The following C5orf34 variants were observed in gnomAD, a reference collection of about 807,000 sequenced individuals.
C5orf34 encodes chromosome 5 open reading frame 34.
Under a neutral mutation model 78.4 loss-of-function variants are expected in C5orf34, and 73 were observed. That is an observed-to-expected ratio of 0.93 (90% CI 0.77 to 1.13). C5orf34 has a LOEUF of 1.13. C5orf34 is among the 50% of genes most tolerant of loss of function. The pLI, the probability that C5orf34 is intolerant of heterozygous loss-of-function variation, is 0.00. For synonymous variants in C5orf34, 251 were observed against 246.6 expected, an observed-to-expected ratio of 1.02 and a Z score of -0.17; for missense variants, 730 against 732.7, an observed-to-expected ratio of 1.00 and a Z score of 0.04.
At chr5:43,496,680 C>T (rs1745545207) in intron 6 of C5orf34, among the ~76,000 whole-genome samples, 1 of 146,742 alleles carries the variant, frequency 6.8e-6, no homozygotes, top group South Asian at 2.1e-4. Flanking sequence ...GCCTCTGTGG[C>T]TCAAGGAGTC....
At chr5:43,513,577 C>A (rs998302408) in intron 1 of C5orf34, among the ~76,000 whole-genome samples, 9 of 152,258 alleles carry the variant, frequency 5.9e-5, no homozygotes, top group African/African-American at 1.7e-4. Context: ...CAGTCTGGTC[C>A]TATCTACCTC....
At chr5:43,496,293 G>A in intron 6 of C5orf34, 1 of 1,584,656 alleles carries the variant, frequency 6.3e-7, no homozygotes, top group Non-Finnish European at 8.6e-7. Flanking sequence ...AGGCATACTT[G>A]AAGGAGTCCT....
At chr5:43,490,538 T>G in intron 11 of C5orf34, 93 bp downstream of exon 11, 2 of 770,578 alleles carry the variant, frequency 2.6e-6, no homozygotes, top group Non-Finnish European at 2.2e-6. Context: ...GAAAGTTTTT[T>G]TGGGGAAAAA....
At chr5:43,490,757 T>C in intron 10 of C5orf34, 28 bp from the exon 11 acceptor site, 2 of 1,175,456 alleles carry the variant, frequency 1.7e-6, no homozygotes, top group Non-Finnish European at 2.5e-6. Context: ...AAAGAAATAC[T>C]TGAAAAATGA....
Position 43,506,375 on chromosome 5 carries a change from G to A in C5orf34, c.305C>T (p.Thr102Ile), listed in dbSNP as rs1258105999. The change falls in exon 4 of 13, where the codon ACA (threonine) becomes ATA (isoleucine). Residue 102 changes from threonine (T) to isoleucine (I), a missense_variant. Physicochemically the swap from Thr to Ile is moderately conservative, Grantham distance 89. Coordinates refer to ENST00000306862, the MANE Select transcript of C5orf34 (RefSeq NM_198566.4). ...ATCAAGACTGGGCCATCTCACTTCT[G>A]TTATGTCAATGAAGATATGCTGCAA... ...ERKKHIFIDI[T>I]EVRWPSLDTD... The A allele has an allele frequency of 6.2e-7, 1 of 1,605,516 alleles. No individual in the cohort carries two copies. Among genetic ancestry groups the A allele is most frequent in the Non-Finnish European group, 8.5e-7 (1 of 1,175,314 alleles).
chr5:43,513,717 G>T (rs938753168), intron 1 of C5orf34, among the ~76,000 whole-genome samples: 1 of 152,052 alleles, frequency 6.6e-6, no homozygotes, highest in Non-Finnish European at 1.5e-5. Context: ...CTTTTCCTTG[G>T]CTAATCACAA....
chr5:43,496,282 C>T lies in C5orf34; in HGVS notation c.1153-1681G>A, dbSNP rs140347437. Reference sequence around the variant, plus strand: ...CTCAGCTTTCAGTTTATGCAAGACCCAGGCATACTTGAAGGAGTCCTTTCC... The same window carrying T: ...CTCAGCTTTCAGTTTATGCAAGACCTAGGCATACTTGAAGGAGTCCTTTCC... On this transcript the variant is annotated intron_variant, in intron 6 of 12. Transcript: ENST00000306862. The T allele has an allele frequency of 1.2e-4, 196 of 1,586,332 alleles. No homozygotes were observed. In the East Asian group the frequency reaches 4.0e-3, roughly 32 times the overall value.
At chr5:43,487,230 T>C (rs1745104162) in intron 12 of C5orf34, 119 bp from the exon 13 acceptor site, 2 of 507,614 alleles carry the variant, frequency 3.9e-6, no homozygotes, top group Non-Finnish European at 6.8e-6. Flanking sequence ...CTTGGATTCA[T>C]AATACAGTTG....
chr5:43,498,683 T>C (rs1745642260), intron 6 of C5orf34, among the ~76,000 whole-genome samples: 1 of 152,196 alleles, frequency 6.6e-6, no homozygotes, highest in Admixed American at 6.5e-5. Context: ...TGAACTACTA[T>C]ACATGTCTTC....
rs1390021192 is a variant in C5orf34, at chr5:43,509,166, AT to A, written c.173del (p.His58LeufsTer15). 1.2e-6 allele frequency: 2 copies of A among 1,613,176 alleles called. No homozygotes were observed. Among genetic ancestry groups the A allele is most frequent in the Non-Finnish European group, 1.7e-6 (2 of 1,179,784 alleles). On this transcript the variant is annotated frameshift_variant, in exon 2 of 13. Coordinates refer to ENST00000306862, the MANE Select transcript of C5orf34 (RefSeq NM_198566.4). LOFTEE classifies it high-confidence loss of function. ...EQPERIRQRTHFVISTYREQL... is the reference protein window; with the variant it reads ...EQPERIRQRTXFVISTYREQL... ...TTACTCTGTAAGTGCTAATGACAAAATGTGTCCTTTGACGAATTCTTTCTGG... is the reference window on the plus strand; with the variant it reads ...TTACTCTGTAAGTGCTAATGACAAAAGTGTCCTTTGACGAATTCTTTCTGG...
At chr5:43,492,670 T>C (rs1561207392) in intron 9 of C5orf34, 50 bp downstream of exon 9, 2 of 1,474,744 alleles carry the variant, frequency 1.4e-6, no homozygotes, top group Non-Finnish European at 1.9e-6. Context: ...TTTGTTCTGT[T>C]TTCCACAGAT....
At chr5:43,511,479 T>A (rs1487820104) in intron 1 of C5orf34, among the ~76,000 whole-genome samples, 2 of 151,814 alleles carry the variant, frequency 1.3e-5, no homozygotes, top group Non-Finnish European at 2.9e-5. Flanking sequence ...GGCCGCCCCT[T>A]CTGGGAAGTG....
rs926063965 is a variant in C5orf34, at chr5:43,505,608, A to G, written c.932+140T>C. On this transcript the variant is annotated intron_variant, in intron 4 of 12. Transcript: ENST00000306862. ...ACATAAGCAACACATTTGCTAGGGAAATTATTTACTATCAGTTAAAAGCAA... is the reference window on the plus strand; with the variant it reads ...ACATAAGCAACACATTTGCTAGGGAGATTATTTACTATCAGTTAAAAGCAA... The G allele has an allele frequency of 9.5e-6, 7 of 737,048 alleles. No homozygotes were observed. The Admixed American group carries it at 1.9e-4, about 20-fold the overall frequency. The allele number at this position is 737,048 out of a possible 1,614,324, so 45.7% of individuals were successfully genotyped here. A position where few individuals can be genotyped will look rare whatever the true frequency, so the allele number is the denominator to read the frequency against.
At chr5:43,492,004 C>CAAAAA (rs34983529) in intron 10 of C5orf34, among the ~76,000 whole-genome samples, 3 of 85,538 alleles carry the variant, frequency 3.5e-5, no homozygotes, top group African/African-American at 8.5e-5. Flanking sequence ...AACTCTGTCT[C>CAAAAA]AAAAAAAAAA....
At position 43,509,385 on chromosome 5, in the gene C5orf34, A is replaced by G; in HGVS notation, c.-36-10T>C. On this transcript the variant is annotated splice_polypyrimidine_tract_variant and intron_variant, in intron 1 of 12. Transcript: ENST00000306862. Reference sequence around the variant, plus strand: ...TCTTCTAAGTCAAAGACTGAATGAAATAGGAAAAACAACAGCATAAATAGT... The same window carrying G: ...TCTTCTAAGTCAAAGACTGAATGAAGTAGGAAAAACAACAGCATAAATAGT... The G allele has an allele frequency of 2.0e-6, 3 of 1,469,584 alleles. No individual in the cohort carries two copies. The highest frequency in any genetic ancestry group is 2.8e-6 in the Non-Finnish European group (3 of 1,085,918). The allele number at this position is 1,469,584 out of a possible 1,614,324, so 91.0% of individuals were successfully genotyped here.
intron 6 of C5orf34, chr5:43,495,989 GAATCCA>G: frequency 6.3e-7 from 1 of 1,591,078 alleles, no homozygotes. Flanking sequence ...TGGCTCAGTG[GAATCCA>G]TTTTGTTAAC....
chr5:43,488,054 G>A (rs1579850512), intron 11 of C5orf34, 105 bp from the exon 12 acceptor site: 6 of 777,728 alleles, frequency 7.7e-6, no homozygotes, highest in Middle Eastern at 3.6e-4. Context: ...AATTTTAAAC[G>A]GAAGAACGCA....
At chr5:43,502,299 A>C in intron 6 of C5orf34, 73 bp downstream of exon 6, 2 of 1,488,274 alleles carry the variant, frequency 1.3e-6, no homozygotes, top group Non-Finnish European at 1.8e-6. Context: ...CAAATTTCCC[A>C]TATATATTTG....
intron 4 of C5orf34, among the ~76,000 whole-genome samples, chr5:43,505,220 C>G (rs527308146): frequency 6.6e-6 from 1 of 152,214 alleles, no homozygotes; most frequent in African/African-American, 2.4e-5. Context: ...CTTACAGAAG[C>G]CACTCCGTGT....
Sources: allele counts gnomAD v4.1 joint callset (sites outside exome capture counted in the v4.1 genomes callset), GRCh38; gene constraint gnomAD v4.1.1; transcripts MANE v1.5; gene names NCBI Gene and HGNC (gene_info 2026-07-23, HGNC 2026-07-21).